The following SMYD3 variants were observed in gnomAD, a reference collection of about 807,000 sequenced individuals.
SMYD3 encodes SET and MYND domain containing 3.
A neutral mutation model predicts 57.7 loss-of-function variants in SMYD3; 36 were observed. The ratio of observed to expected loss-of-function variants is 0.62; its 90% CI spans 0.48 to 0.82. The LOEUF (loss-of-function observed/expected upper bound fraction) is 0.82, where lower values mean the gene tolerates loss of function less well. SMYD3 is among the 40% of genes least tolerant of loss of function. The pLI, the probability that SMYD3 is intolerant of heterozygous loss-of-function variation, is 0.00. For missense variants in SMYD3, 515 were observed against 538.8 expected (o/e 0.96, Z 0.44); for synonymous variants, 211 against 195.0 (o/e 1.08, Z -0.68).
At chr1:245,793,091 C>A (rs2791387) in intron 10 of SMYD3, among the ~76,000 whole-genome samples, 4 of 62,896 alleles carry the variant, frequency 6.4e-5, no homozygotes, top group Non-Finnish European at 1.5e-4. Context: ...CGGGTGATCA[C>A]GAAATCAGGA....
intron 5 of SMYD3, among the ~76,000 whole-genome samples, chr1:246,227,126 A>G (rs928315296): frequency 6.6e-6 from 1 of 152,228 alleles, no homozygotes; most frequent in Non-Finnish European, 1.5e-5. Flanking sequence ...TATACTTTGT[A>G]GTAAAATGGT....
At chr1:246,283,637 A>T (rs2064498125) in intron 5 of SMYD3, among the ~76,000 whole-genome samples, 1 of 152,218 alleles carries the variant, frequency 6.6e-6, no homozygotes, top group Non-Finnish European at 1.5e-5. Flanking sequence ...AATTTCAAAT[A>T]TTTAAAGCTC....
intron 5 of SMYD3, among the ~76,000 whole-genome samples, chr1:246,088,504 G>T (rs2060763743): frequency 7.6e-6 from 1 of 131,520 alleles, no homozygotes; most frequent in Non-Finnish European, 1.5e-5. Context: ...CAGCTACTCG[G>T]GAGGCTGAGG....
chr1:245,859,919 C>T (rs1220568193), intron 9 of SMYD3, among the ~76,000 whole-genome samples: 7 of 152,190 alleles, frequency 4.6e-5, no homozygotes, highest in South Asian at 2.1e-4. Context: ...CTCACGTCAA[C>T]GTAAGAATGA....
chr1:246,131,894 C>T (rs2061593291), intron 5 of SMYD3, among the ~76,000 whole-genome samples: 1 of 146,172 alleles, frequency 6.8e-6, no homozygotes, highest in South Asian at 2.2e-4. Context: ...GGCTGAAGGT[C>T]AGAAAAAGAC....
At chr1:245,968,200 A>AT (rs996776339) in intron 5 of SMYD3, among the ~76,000 whole-genome samples, 1 of 142,794 alleles carries the variant, frequency 7.0e-6, no homozygotes, top group Non-Finnish European at 1.5e-5. Context: ...GAGCACTTTA[A>AT]TCCCCCCCTC....
At chr1:246,234,421 C>T (rs2063479893) in intron 5 of SMYD3, among the ~76,000 whole-genome samples, 1 of 152,198 alleles carries the variant, frequency 6.6e-6, no homozygotes, top group Non-Finnish European at 1.5e-5. Context: ...CTTCCATTCA[C>T]ACTGTGATGA....
chr1:246,016,839 T>C (rs888131214), intron 5 of SMYD3, among the ~76,000 whole-genome samples: 1 of 152,058 alleles, frequency 6.6e-6, no homozygotes, highest in African/African-American at 2.4e-5. Flanking sequence ...AAAGAAATAA[T>C]GGAAAAACAG....
At chr1:245,819,307 C>T (rs1163715817) in intron 10 of SMYD3, among the ~76,000 whole-genome samples, 5 of 137,484 alleles carry the variant, frequency 3.6e-5, no homozygotes, top group African/African-American at 1.4e-4. Context: ...GGATACATAA[C>T]GAAATGAAGG....
chr1:246,004,118 T>C (rs2059130119), intron 5 of SMYD3, among the ~76,000 whole-genome samples: 2 of 152,276 alleles, frequency 1.3e-5, no homozygotes, highest in African/African-American at 2.4e-5. Context: ...AGGATTGCTG[T>C]GAGGATTAAA....
chr1:246,114,415 C>A (rs1382069601), intron 5 of SMYD3, among the ~76,000 whole-genome samples: 1 of 152,194 alleles, frequency 6.6e-6, no homozygotes, highest in East Asian at 1.9e-4. Flanking sequence ...TGGGGGAGAA[C>A]AATTGTTCTG....
In SMYD3 at chr1:246,492,520, G is replaced by A. The variant is rs6689664; in HGVS notation, c.164+14534C>T. On this transcript the variant is annotated intron_variant, in intron 1 of 11. Transcript: ENST00000490107. ...AAAATGGCTGAAAGACTAGACAGAC[G>A]ATTCCCAGACACAGCAAGAGTCATT... is the stretch of plus-strand genomic sequence containing the variant. Among the ~76,000 whole-genome samples the A allele has an allele frequency of 2.5e-3, 382 of 152,308 alleles. 4 individuals are homozygous for A. The highest frequency in any genetic ancestry group is 8.9e-3 in the African/African-American group (370 of 41,550).
At chr1:246,003,467 T>C (rs2059115989) in intron 5 of SMYD3, among the ~76,000 whole-genome samples, 1 of 152,226 alleles carries the variant, frequency 6.6e-6, no homozygotes, top group Admixed American at 6.5e-5. Context: ...GTTCACACAT[T>C]GTTACGTCCT....
chr1:245,876,368 A>G (rs572008770), intron 8 of SMYD3, among the ~76,000 whole-genome samples: 3 of 152,308 alleles, frequency 2.0e-5, no homozygotes, highest in Non-Finnish European at 2.9e-5. Context: ...AGATACCGGT[A>G]TCTTTTCTAA....
chr1:246,306,718 A>G (rs575116523), intron 5 of SMYD3, among the ~76,000 whole-genome samples: 1 of 152,354 alleles, frequency 6.6e-6, no homozygotes, highest in East Asian at 1.9e-4. Context: ...ACTCGCTCAG[A>G]TAAGATCATT....
At chr1:245,950,872 C>T (rs988801361) in intron 5 of SMYD3, among the ~76,000 whole-genome samples, 1 of 152,252 alleles carries the variant, frequency 6.6e-6, no homozygotes, top group Non-Finnish European at 1.5e-5. Context: ...CCTATCACAC[C>T]GCTCTCTCTA....
chr1:246,462,797 C>T (rs1157625423), intron 1 of SMYD3, among the ~76,000 whole-genome samples: 1 of 152,054 alleles, frequency 6.6e-6, no homozygotes, highest in Non-Finnish European at 1.5e-5. Flanking sequence ...AATTAAGAAA[C>T]ATTTTAGGTC....
At chr1:246,134,810 C>T (rs975168780) in intron 5 of SMYD3, among the ~76,000 whole-genome samples, 48 of 150,338 alleles carry the variant, frequency 3.2e-4, no homozygotes, top group Non-Finnish European at 4.0e-4. Context: ...CCCCCCCTGC[C>T]GCTTTTAATG....
intron 5 of SMYD3, among the ~76,000 whole-genome samples, chr1:245,943,401 A>C (rs1225528454): frequency 6.6e-6 from 1 of 152,156 alleles, no homozygotes; most frequent in African/African-American, 2.4e-5. Flanking sequence ...AAATGGATAA[A>C]TTCCTGGACA....
Sources: allele counts gnomAD v4.1 joint callset (sites outside exome capture counted in the v4.1 genomes callset), GRCh38; gene constraint gnomAD v4.1.1; transcripts MANE v1.5; gene names NCBI Gene and HGNC (gene_info 2026-07-23, HGNC 2026-07-21).